PRKCE: variants seen among roughly 807,000 people sequenced by gnomAD.
PRKCE encodes protein kinase C epsilon type.
A neutral mutation model predicts 85.4 loss-of-function variants in PRKCE; 16 were observed. The ratio of observed to expected loss-of-function variants is 0.19; its 90% confidence interval spans 0.13 to 0.28. PRKCE has a LOEUF of 0.28. Among genes scored for constraint, PRKCE ranks in the 10% least tolerant of loss-of-function variants. PRKCE has a pLI of 1.00. For missense variants in PRKCE, 573 were observed against 975.2 expected, an observed-to-expected ratio of 0.59 and a Z score of 5.49; for synonymous variants, 388 against 371.5, an observed-to-expected ratio of 1.04 and a Z score of -0.51.
At chr2:45,904,644 T>C (rs1009189371) in intron 2 of PRKCE, among the ~76,000 whole-genome samples, 1 of 152,154 alleles carries the variant, frequency 6.6e-6, no homozygotes, top group Admixed American at 6.5e-5. Flanking sequence ...CAGGGCTTAC[T>C]GTAAGTGGGC....
intron 1 of PRKCE, among the ~76,000 whole-genome samples, chr2:45,783,670 C>G (rs924659093): frequency 1.3e-5 from 2 of 152,204 alleles, no homozygotes; most frequent in African/African-American, 4.8e-5. Context: ...TAGCCAAGAA[C>G]TCAGTTTTTC....
intron 2 of PRKCE, among the ~76,000 whole-genome samples, chr2:45,867,222 A>C (rs1015763477): frequency 2.0e-5 from 3 of 152,220 alleles, no homozygotes; most frequent in Non-Finnish European, 1.5e-5. Flanking sequence ...CACCAAATGC[A>C]CCTAAGAGGT....
chr2:45,739,716 A>G (rs958399930), intron 1 of PRKCE, among the ~76,000 whole-genome samples: 1 of 152,112 alleles, frequency 6.6e-6, no homozygotes, highest in Non-Finnish European at 1.5e-5. Context: ...ATTGAGTACA[A>G]AGGGGCCCAG....
intron 10 of PRKCE, among the ~76,000 whole-genome samples, chr2:46,047,559 T>G (rs1708602624): frequency 6.6e-6 from 1 of 152,150 alleles, no homozygotes; most frequent in African/African-American, 2.4e-5. Context: ...GAGTTGGAGA[T>G]CACGGTAAAA....
Position 45,764,117 on chromosome 2 carries a change from A to G in PRKCE, c.349-78883A>G, listed in dbSNP as rs1684727234. Among the ~76,000 whole-genome samples the G allele has an allele frequency of 2.0e-5, 3 of 152,328 alleles. No individual in the cohort carries two copies. In the South Asian group the frequency reaches 6.2e-4, roughly 32 times the overall value. ...TTACAATACCCCAGGAGTTCTTGTT[A>G]TCAGTGTATCTTAGGAGGAACCAAA... is the stretch of plus-strand genomic sequence containing the variant. On this transcript the variant is annotated intron_variant, in intron 1 of 14. Coordinates refer to ENST00000306156, the MANE Select transcript of PRKCE (RefSeq NM_005400.3).
At chr2:45,815,234 A>G (rs1424488088) in intron 1 of PRKCE, among the ~76,000 whole-genome samples, 3 of 152,236 alleles carry the variant, frequency 2.0e-5, no homozygotes, top group Non-Finnish European at 2.9e-5. Flanking sequence ...GTTCAGGGTC[A>G]AGAAAATAAT....
intron 14 of PRKCE, among the ~76,000 whole-genome samples, chr2:46,162,950 G>C (rs1677927131): frequency 6.6e-6 from 1 of 152,052 alleles, no homozygotes; most frequent in Non-Finnish European, 1.5e-5. Context: ...TGTAGAAAAA[G>C]CAGAAATAAA....
intron 6 of PRKCE, among the ~76,000 whole-genome samples, chr2:45,993,864 A>G (rs915887602): frequency 2.6e-5 from 4 of 152,124 alleles, no homozygotes; most frequent in African/African-American, 9.7e-5. Context: ...CCATTAGTCA[A>G]GTCGGTGCCA....
At chr2:46,047,735 A>G (rs1558392067) in intron 10 of PRKCE, among the ~76,000 whole-genome samples, 1 of 152,204 alleles carries the variant, frequency 6.6e-6, no homozygotes, top group Non-Finnish European at 1.5e-5. Context: ...TTTATTTTTT[A>G]GTAAGAATGC....
chr2:45,974,687 G>T (rs949265793), intron 2 of PRKCE, among the ~76,000 whole-genome samples: 4 of 152,094 alleles, frequency 2.6e-5, no homozygotes, highest in Admixed American at 1.3e-4. Context: ...TGTTGTTCAG[G>T]TCATACATAT....
intron 2 of PRKCE, among the ~76,000 whole-genome samples, chr2:45,964,059 G>C (rs182037750): frequency 2.0e-5 from 3 of 152,334 alleles, no homozygotes; most frequent in African/African-American, 7.2e-5. Flanking sequence ...TGGCTGCTAC[G>C]AACAGCACTG....
intron 11 of PRKCE, among the ~76,000 whole-genome samples, chr2:46,103,397 G>A (rs958064454): frequency 6.6e-6 from 1 of 152,166 alleles, no homozygotes; most frequent in African/African-American, 2.4e-5. Context: ...ATCTAGGTGC[G>A]AAGTGTGCTA....
chr2:45,980,510 A>C, intron 5 of PRKCE, 129 bp downstream of exon 5: 3 of 867,654 alleles, frequency 3.5e-6, no homozygotes, highest in Admixed American at 2.2e-5. Context: ...TGATAAAAAA[A>C]CAAAGGGAGC....
chr2:45,722,738 T>C (rs1253014586), intron 1 of PRKCE, among the ~76,000 whole-genome samples: 2 of 152,188 alleles, frequency 1.3e-5, no homozygotes, highest in Non-Finnish European at 2.9e-5. Context: ...TCTCACCTTG[T>C]ATATGTAACA....
At chr2:46,101,960 A>G (rs746743119) in intron 11 of PRKCE, among the ~76,000 whole-genome samples, 1 of 151,894 alleles carries the variant, frequency 6.6e-6, no homozygotes, top group African/African-American at 2.4e-5. Context: ...CAGGCTATCC[A>G]TGTTGAACAA....
chr2:45,964,589 T>C (rs938403797), intron 2 of PRKCE, among the ~76,000 whole-genome samples: 14 of 152,202 alleles, frequency 9.2e-5, no homozygotes, highest in African/African-American at 3.4e-4. Flanking sequence ...ATGACTGTAA[T>C]ATGTAACTGT....
chr2:45,874,717 G>A (rs1369566145), intron 2 of PRKCE, among the ~76,000 whole-genome samples: 1 of 152,156 alleles, frequency 6.6e-6, no homozygotes, highest in Non-Finnish European at 1.5e-5. Context: ...AAAGCAGCTG[G>A]TGGCTTAGGA....
intron 9 of PRKCE, among the ~76,000 whole-genome samples, chr2:46,009,126 G>T (rs1243575365): frequency 6.6e-6 from 1 of 152,146 alleles, no homozygotes; most frequent in Non-Finnish European, 1.5e-5. Flanking sequence ...AACACTTTAA[G>T]AACATAGAAC....
At chr2:46,028,305 T>C (rs1056276788) in intron 10 of PRKCE, among the ~76,000 whole-genome samples, 1 of 152,112 alleles carries the variant, frequency 6.6e-6, no homozygotes, top group Non-Finnish European at 1.5e-5. Flanking sequence ...CAGCTCTGAG[T>C]TGGGGGGTAA....
Sources: gnomAD v4.1 joint callset for allele counts (sites outside exome capture counted in the v4.1 genomes callset) on GRCh38, gnomAD v4.1.1 for gene constraint, MANE v1.5 for transcripts, NCBI Gene and HGNC (gene_info 2026-07-23, HGNC 2026-07-21) for gene names.